The following RRM2 variants were observed in gnomAD, a reference collection of about 807,000 sequenced individuals.
The protein encoded by RRM2 is ribonucleoside-diphosphate reductase subunit M2.
Under a neutral mutation model 45.9 loss-of-function variants are expected in RRM2, and 6 were observed. The observed-to-expected ratio is 0.13, with a 90% CI of 0.07 to 0.26. The LOEUF is 0.26. Ranked by LOEUF, RRM2 falls within the 10% of genes least tolerant of loss-of-function variation. The pLI is 1.00. For synonymous variants in RRM2, 177 were observed against 173.0 expected, an observed-to-expected ratio of 1.02 and a Z score of -0.18; for missense variants, 343 against 489.5, an observed-to-expected ratio of 0.70 and a Z score of 2.82.
At chr2:10,178,411 C>A (rs1663976508) in intron 3 of RRM2, among the ~76,000 whole-genome samples, 1 of 151,872 alleles carries the variant, frequency 6.6e-6, no homozygotes, top group African/African-American at 2.4e-5. Context: ...TTAGTAGAGA[C>A]AGAGTTTCAC....
In RRM2 at chr2:10,166,141, C is replaced by G. The variant is rs566933438; in HGVS notation, n.482+23766C>G. ...GGAGGACACCGTTCCATCTTAATGCCTTTCCAATAAAGCCTTGAAGACGAC... is the reference window on the plus strand; with the variant it reads ...GGAGGACACCGTTCCATCTTAATGCGTTTCCAATAAAGCCTTGAAGACGAC... On this transcript the variant is annotated intron_variant and non_coding_transcript_variant, in intron 3 of 3. Coordinates refer to the RRM2 transcript ENST00000381786. Among the ~76,000 whole-genome samples, 11 of 152,330 alleles carry G rather than the reference C, an allele frequency of 7.2e-5. No homozygotes were observed. The South Asian group carries it at 2.3e-3, about 32-fold the overall frequency.
At chr2:10,145,157 T>C (rs1365419614) in intron 3 of RRM2, among the ~76,000 whole-genome samples, 1 of 152,032 alleles carries the variant, frequency 6.6e-6, no homozygotes, top group East Asian at 1.9e-4. Flanking sequence ...CTGGCAGAGT[T>C]TGCAGTACCC....
At chr2:10,181,754 CTTTTTTTTTTT>C (rs869117515) in intron 3 of RRM2, among the ~76,000 whole-genome samples, 4 of 57,246 alleles carry the variant, frequency 7.0e-5, no homozygotes, top group Admixed American at 2.0e-4. Flanking sequence ...CTCTCTCTCT[CTTTTTTTTTTT>C]TTTTTTTTTT....
chr2:10,129,317 C>A lies in RRM2; in HGVS notation c.1101C>A (p.Gly367=), dbSNP rs751173166. 1.5e-5 allele frequency: 25 copies of A among 1,614,004 alleles called. No homozygotes were observed. The highest frequency in any genetic ancestry group is 1.9e-5 in the Non-Finnish European group (22 of 1,179,938). The change falls in exon 10 of 10, where the codon GGC becomes GGA. Residue 367 remains glycine (G), a synonymous_variant. Coordinates refer to ENST00000304567, the MANE Select transcript of RRM2 (RefSeq NM_001034.4). The surrounding 1 kb of genome is among the most constrained non-coding windows in gnomAD (Gnocchi z 4.8). ...GKTNFFEKRV[G]EYQRMGVMSS... ...CTAACTTCTTTGAGAAGAGAGTAGG[C>A]GAGTATCAGAGGATGGGAGTGATGT... is the stretch of plus-strand genomic sequence containing the variant.
At chr2:10,144,479 G>T (rs745674536) in intron 3 of RRM2, among the ~76,000 whole-genome samples, 6 of 152,200 alleles carry the variant, frequency 3.9e-5, no homozygotes, top group Non-Finnish European at 8.8e-5. Flanking sequence ...AGCACCAGCT[G>T]CAGACAGCTG....
At chr2:10,155,520 G>T (rs952395906) in intron 3 of RRM2, 2 of 152,136 alleles carry the variant, frequency 1.3e-5, no homozygotes, top group Admixed American at 1.3e-4. Flanking sequence ...CCCTGGTTTC[G>T]TTACTATGAA....
chr2:10,143,491 C>T (rs896595634), intron 3 of RRM2, among the ~76,000 whole-genome samples: 1 of 152,218 alleles, frequency 6.6e-6, no homozygotes, highest in Non-Finnish European at 1.5e-5. Flanking sequence ...TGTGCTCAGC[C>T]AGCACCTGGC....
intron 4 of RRM2, 48 bp downstream of exon 4, chr2:10,123,900 G>A (rs372732546): frequency 1.8e-5 from 19 of 1,047,570 alleles, no homozygotes; most frequent in Non-Finnish European, 2.9e-5. Flanking sequence ...ACGATCTGAG[G>A]TCGAACTAGT....
chr2:10,190,646 G>A (rs1364723679), intron 3 of RRM2, among the ~76,000 whole-genome samples: 5 of 150,832 alleles, frequency 3.3e-5, no homozygotes, highest in Admixed American at 2.6e-4. Context: ...TGGTGATGGT[G>A]GGGTTGGTGG....
Position 10,122,864 on chromosome 2 carries a change from G to A in RRM2, c.66G>A (p.Leu22=), listed in dbSNP as rs563228348. The A allele has an allele frequency of 9.4e-6, 15 of 1,600,334 alleles. No individual in the cohort carries two copies. The highest frequency in any genetic ancestry group is 3.3e-4 in the Middle Eastern group (2 of 6,030). Residue 22 remains leucine, a synonymous_variant, in exon 1 of 10, where the codon CTG becomes CTA. Transcript: ENST00000304567. ...TDPQQLQLSP[L]KGLSLVDKEN... is the part of the protein sequence containing the mutation. ...CGCAGCAGCTGCAGCTCTCGCCGCT[G>A]AAGGGGCTCAGCTTGGTCGACAAGG...
rs567930591 is a variant in RRM2 at position 10,162,097 on chromosome 2, G to A, written n.482+19722G>A. On this transcript the variant is annotated intron_variant and non_coding_transcript_variant, in intron 3 of 3. Coordinates refer to the RRM2 transcript ENST00000381786. ...CCAGAACCCACAGCTCCCATCCGCC[G>A]CTGCCTGGGATGAATGGTGCCCTGT... 1.8e-3 allele frequency among the ~76,000 whole-genome samples: 270 copies of A among 152,246 alleles called. 1 individual carries two copies. The highest frequency in any genetic ancestry group is 6.1e-3 in the African/African-American group (255 of 41,538).
intron 3 of RRM2, chr2:10,199,292 G>T (rs974371750): frequency 7.3e-6 from 1 of 136,358 alleles, no homozygotes; most frequent in African/African-American, 2.7e-5. Context: ...AAAAAAAGGG[G>T]GGGGGGAAGG....
intron 3 of RRM2, among the ~76,000 whole-genome samples, chr2:10,186,849 C>G (rs1558401526): frequency 6.6e-6 from 1 of 152,360 alleles, no homozygotes; most frequent in East Asian, 1.9e-4. Flanking sequence ...CCAGGCCCCA[C>G]CTCCACAGAT....
intron 4 of RRM2, among the ~76,000 whole-genome samples, 188 bp from the exon 5 acceptor site, chr2:10,124,529 T>G (rs1662740979): frequency 6.6e-6 from 1 of 152,252 alleles, no homozygotes; most frequent in Non-Finnish European, 1.5e-5. Context: ...CTATTTTATA[T>G]GTATCTATTT....
chr2:10,198,467 C>T (rs928947035), intron 3 of RRM2: 1 of 151,540 alleles, frequency 6.6e-6, no homozygotes, highest in African/African-American at 2.4e-5. Flanking sequence ...CAGTGGTGCG[C>T]TCTTGGCTCA....
At chr2:10,138,167 ATTTT>A (rs35428652), upstream of RRM2, among the ~76,000 whole-genome samples, 1 of 136,126 alleles carries the variant, frequency 7.3e-6, no homozygotes. Flanking sequence ...TGCCCGGCTA[ATTTT>A]TTTTTTTTTT....
At chr2:10,210,700 G>T (rs767962162) in exon 4 of RRM2, 25 of 1,098,804 alleles carry the variant, frequency 2.3e-5, no homozygotes, top group Admixed American at 4.7e-5. Flanking sequence ...GGAAACTGGG[G>T]TGATGTGAGC....
At chr2:10,163,693 C>T (rs865961787) in intron 3 of RRM2, among the ~76,000 whole-genome samples, 6 of 152,380 alleles carry the variant, frequency 3.9e-5, no homozygotes, top group African/African-American at 9.6e-5. Flanking sequence ...CTCGGTTCCC[C>T]GGCTGCCCAG....
intron 3 of RRM2, among the ~76,000 whole-genome samples, chr2:10,201,678 A>G (rs919415383): frequency 3.9e-5 from 6 of 152,364 alleles, no homozygotes; most frequent in Admixed American, 2.6e-4. Flanking sequence ...TAAAGACACA[A>G]TTGATGAGGA....
Sources: gnomAD v4.1 joint callset for allele counts (sites outside exome capture counted in the v4.1 genomes callset) on GRCh38, gnomAD v4.1.1 for gene constraint, Gnocchi (gnomAD v3.1) non-coding constraint, MANE v1.5 for transcripts, NCBI Gene and HGNC (gene_info 2026-07-23, HGNC 2026-07-21) for gene names.